ERC1: variants seen among roughly 807,000 people sequenced by gnomAD.
ERC1 encodes the protein ELKS/RAB6-interacting/CAST family member 1.
ERC1 carries 56 observed loss-of-function variants against 132.0 expected under a neutral mutation model. The observed-to-expected ratio is 0.42, with a 90% CI of 0.34 to 0.53. ERC1 has a LOEUF of 0.53. Among genes scored for constraint, ERC1 ranks in the 20% least tolerant of loss-of-function variants. ERC1 has a pLI of 0.03. For missense variants in ERC1, 1,202 were observed against 1,349.9 expected (o/e 0.89, Z 1.72); for synonymous variants, 478 against 476.1 (o/e 1.00, Z -0.05).
chr12:1,232,328 C>G (rs1372987765), intron 12 of ERC1, among the ~76,000 whole-genome samples: 1 of 152,200 alleles, frequency 6.6e-6, no homozygotes, highest in African/African-American at 2.4e-5. Context: ...CTTCATGAAT[C>G]TAGATGTCTG....
chr12:999,068 C>T (rs2154130304), intron 1 of ERC1, among the ~76,000 whole-genome samples: 1 of 152,172 alleles, frequency 6.6e-6, no homozygotes, highest in East Asian at 1.9e-4. Context: ...CCATGTTGGC[C>T]AGGCTGGTCT....
chr12:1,316,922 G>A (rs1197763236), intron 15 of ERC1, among the ~76,000 whole-genome samples: 1 of 152,188 alleles, frequency 6.6e-6, no homozygotes, highest in East Asian at 1.9e-4. Flanking sequence ...CACTTTGGGA[G>A]GCCGAGGCGG....
chr12:1,119,548 TGTGTGTGTGTGTGTGTGTGTGA>T lies in ERC1; in HGVS notation c.1569+3517_1569+3538del, dbSNP rs1218145181. ...GTGTGTGTGTGTGTGTGTGTGTGTG[TGTGTGTGTGTGTGTGTGTGTGA>T]GATGGAGTTTTGCTCTTGTTGCCCA... On this transcript the variant is annotated intron_variant, in intron 7 of 18. Coordinates refer to ENST00000360905, the MANE Select transcript of ERC1 (RefSeq NM_178040.4). Among the ~76,000 whole-genome samples, 204 of 100,516 alleles carry T rather than the reference TGTGTGTGTGTGTGTGTGTGTGA, an allele frequency of 2.0e-3. 6 individuals are homozygous for T. Among genetic ancestry groups the T allele is most frequent in the African/African-American group, 5.6e-3 (140 of 24,942 alleles). 65.9% of individuals were successfully genotyped at this position (100,516 alleles called of 152,430 possible). A position where few individuals can be genotyped will look rare whatever the true frequency, so the allele number is the denominator to read the frequency against.
intron 18 of ERC1, among the ~76,000 whole-genome samples, chr12:1,470,284 A>G (rs1219974037): frequency 1.3e-5 from 2 of 151,860 alleles, no homozygotes; most frequent in African/African-American, 2.4e-5. Flanking sequence ...GCTGGGGGGA[A>G]ACTTCCTTCT....
chr12:1,104,808 C>T lies in ERC1; in HGVS notation c.1145C>T (p.Thr382Ile). Residue 382 changes from threonine to isoleucine, a missense_variant, in exon 4 of 19, where the codon ACT becomes ATT. Transcript: ENST00000360905. ...TCTGCCAAAACAAAAGCTCTGCAAA[C>T]TGTTATTGAGATGAAGGTAAGTGAG... ...PDSAKTKALQTVIEMKDSKIS... is the reference protein window; with the variant it reads ...PDSAKTKALQIVIEMKDSKIS... 1 of 1,611,092 alleles carries T rather than the reference C, an allele frequency of 6.2e-7. No individual in the cohort carries two copies.
At chr12:1,141,893 T>C in intron 8 of ERC1, 106 bp downstream of exon 8, 1 of 957,480 alleles carries the variant, frequency 1.0e-6, no homozygotes, top group Non-Finnish European at 1.4e-6. Context: ...CATTTTTCAG[T>C]TTATATTTTT....
intron 16 of ERC1, among the ~76,000 whole-genome samples, chr12:1,388,892 G>A (rs910002354): frequency 2.0e-5 from 3 of 152,128 alleles, no homozygotes; most frequent in African/African-American, 4.8e-5. Context: ...TTATTTCTTG[G>A]TTACACAAAG....
chr12:1,466,843 TC>T (rs1161694170), intron 18 of ERC1, among the ~76,000 whole-genome samples: 1 of 152,210 alleles, frequency 6.6e-6, no homozygotes, highest in African/African-American at 2.4e-5. Context: ...TCAGGAATTT[TC>T]CGGAGATAAG....
chr12:1,442,913 T>C (rs1051692376), intron 17 of ERC1, among the ~76,000 whole-genome samples: 1 of 152,234 alleles, frequency 6.6e-6, no homozygotes, highest in Non-Finnish European at 1.5e-5. Context: ...CTTTTTTATT[T>C]TTTTTTATTT....
chr12:1,135,212 AT>A (rs1949136300), intron 7 of ERC1, among the ~76,000 whole-genome samples: 2 of 152,018 alleles, frequency 1.3e-5, no homozygotes, highest in Non-Finnish European at 2.9e-5. Context: ...CTGATATCTT[AT>A]TTTCTGTTAC....
intron 15 of ERC1, among the ~76,000 whole-genome samples, chr12:1,347,517 TGTA>T (rs1264445262): frequency 1.3e-5 from 2 of 152,226 alleles, no homozygotes; most frequent in Non-Finnish European, 2.9e-5. Context: ...ATTTTCAAGA[TGTA>T]GTAATTTCTA....
chr12:1,265,626 C>T (rs1460049331), intron 14 of ERC1, among the ~76,000 whole-genome samples: 3 of 152,138 alleles, frequency 2.0e-5, no homozygotes, highest in Admixed American at 6.5e-5. Flanking sequence ...CGCACAGTCC[C>T]GTGAGTTTTG....
At chr12:1,298,797 A>G (rs2080176293) in intron 15 of ERC1, among the ~76,000 whole-genome samples, 1 of 151,766 alleles carries the variant, frequency 6.6e-6, no homozygotes, top group Admixed American at 6.6e-5. Context: ...GCTCAACTGT[A>G]TGCTGTACAT....
At chr12:1,473,389 T>C (rs1302740727) in intron 18 of ERC1, among the ~76,000 whole-genome samples, 1 of 152,124 alleles carries the variant, frequency 6.6e-6, no homozygotes, top group African/African-American at 2.4e-5. Flanking sequence ...AGTAACATCT[T>C]ATTTACTTTT....
At chr12:1,336,713 T>C (rs2083345516) in intron 15 of ERC1, among the ~76,000 whole-genome samples, 1 of 152,182 alleles carries the variant, frequency 6.6e-6, no homozygotes, top group Non-Finnish European at 1.5e-5. Context: ...TGAGAATGTA[T>C]GTTCTGTTGC....
intron 12 of ERC1, among the ~76,000 whole-genome samples, chr12:1,211,717 G>A (rs568695057): frequency 1.2e-4 from 18 of 151,088 alleles, no homozygotes; most frequent in African/African-American, 4.1e-4. Flanking sequence ...TCACCACCAC[G>A]CCCAGCTAAT....
At chr12:1,299,379 T>C (rs2080219732) in intron 15 of ERC1, among the ~76,000 whole-genome samples, 1 of 152,184 alleles carries the variant, frequency 6.6e-6, no homozygotes, top group African/African-American at 2.4e-5. Context: ...TTAGAAAATG[T>C]TTGGAAATTA....
chr12:1,030,941 TTGA>T (rs1246951084), intron 2 of ERC1, among the ~76,000 whole-genome samples: 1 of 152,186 alleles, frequency 6.6e-6, no homozygotes, highest in East Asian at 1.9e-4. Context: ...ATAAGTCCAC[TTGA>T]TGATCTTTGC....
chr12:1,127,427 A>G (rs1432249674), intron 7 of ERC1, among the ~76,000 whole-genome samples: 1 of 152,194 alleles, frequency 6.6e-6, no homozygotes, highest in Non-Finnish European at 1.5e-5. Flanking sequence ...TATTGTGGAT[A>G]TGTACCATGG....
Sources: allele counts gnomAD v4.1 joint callset (sites outside exome capture counted in the v4.1 genomes callset), GRCh38; gene constraint gnomAD v4.1.1; transcripts MANE v1.5; gene names NCBI Gene and HGNC (gene_info 2026-07-23, HGNC 2026-07-21).